CDK5RAP2: variants seen among roughly 807,000 people sequenced by gnomAD.
The protein encoded by CDK5RAP2 is CDK5 regulatory subunit-associated protein 2.
CDK5RAP2 carries 147 observed loss-of-function variants against 232.9 expected under a neutral mutation model. The observed-to-expected ratio is 0.63, with a 90% confidence interval of 0.55 to 0.72. The LOEUF (loss-of-function observed/expected upper bound fraction) is 0.72. Among genes scored for constraint, CDK5RAP2 ranks in the 30% least tolerant of loss-of-function variants. The pLI, the probability that CDK5RAP2 is intolerant of heterozygous loss-of-function variation, is 0.00. For synonymous variants in CDK5RAP2, 833 were observed against 833.7 expected, an observed-to-expected ratio of 1.00 and a Z score of 0.01; for missense variants, 2,195 against 2,231.5, an observed-to-expected ratio of 0.98 and a Z score of 0.33.
chr9:120,411,503 A>C, intron 28 of CDK5RAP2, 29 bp from the exon 29 acceptor site: 3 of 1,204,658 alleles, frequency 2.5e-6, no homozygotes, highest in Non-Finnish European at 3.7e-6. Flanking sequence ...AAACTGATTT[A>C]TAAACAGTCT....
intron 14 of CDK5RAP2, among the ~76,000 whole-genome samples, chr9:120,485,293 CTTT>C (rs111411839): frequency 3.8e-5 from 5 of 132,346 alleles, no homozygotes; most frequent in African/African-American, 5.7e-5. Flanking sequence ...CATTTAGATA[CTTT>C]TTTTTTTTTT....
chr9:120,552,878 T>C (rs561143980), intron 3 of CDK5RAP2, among the ~76,000 whole-genome samples: 17 of 151,930 alleles, frequency 1.1e-4, no homozygotes, highest in African/African-American at 4.1e-4. Context: ...TCATGACATC[T>C]GCAATTAACT....
chr9:120,471,625 G>A (rs1339993001), intron 16 of CDK5RAP2, 123 bp downstream of exon 16: 2 of 1,373,202 alleles, frequency 1.5e-6, no homozygotes, highest in Non-Finnish European at 2.1e-6. Flanking sequence ...CCACAAAAAG[G>A]ATCTCCAAAC....
chr9:120,544,224 T>A (rs147267429), intron 5 of CDK5RAP2, among the ~76,000 whole-genome samples: 2 of 152,158 alleles, frequency 1.3e-5, no homozygotes, highest in African/African-American at 4.8e-5. Flanking sequence ...TGAGCTGAGG[T>A]TTCCATGTGT....
intron 5 of CDK5RAP2, among the ~76,000 whole-genome samples, chr9:120,540,260 A>G (rs1029071769): frequency 1.3e-5 from 2 of 152,220 alleles, no homozygotes; most frequent in African/African-American, 4.8e-5. Flanking sequence ...AAATGACTGC[A>G]GGTTTCCAGA....
At chr9:120,555,384 C>T (rs558470799) in intron 3 of CDK5RAP2, among the ~76,000 whole-genome samples, 3 of 152,170 alleles carry the variant, frequency 2.0e-5, no homozygotes, top group South Asian at 2.1e-4. Flanking sequence ...GTGATCCGCC[C>T]GCCTTGGCCT....
At chr9:120,542,867 G>A (rs1318542298) in intron 5 of CDK5RAP2, among the ~76,000 whole-genome samples, 5 of 152,226 alleles carry the variant, frequency 3.3e-5, no homozygotes, top group Non-Finnish European at 5.9e-5. Context: ...TCCGTTAAGA[G>A]ACTGATGCGG....
intron 8 of CDK5RAP2, among the ~76,000 whole-genome samples, chr9:120,529,485 G>A (rs916729008): frequency 4.6e-5 from 7 of 152,188 alleles, no homozygotes; most frequent in Admixed American, 2.0e-4. Flanking sequence ...AGGAGACCAT[G>A]AGCTCTACCT....
At chr9:120,450,532 GT>G (rs987699868) in intron 21 of CDK5RAP2, among the ~76,000 whole-genome samples, 1 of 151,958 alleles carries the variant, frequency 6.6e-6, no homozygotes, top group African/African-American at 2.4e-5. Flanking sequence ...ATAAGGCTGT[GT>G]TTTTTTTAAA....
At chr9:120,546,481 A>C (rs753861808) in intron 4 of CDK5RAP2, among the ~76,000 whole-genome samples, 2 of 152,240 alleles carry the variant, frequency 1.3e-5, no homozygotes, top group Non-Finnish European at 2.9e-5. Flanking sequence ...ACAGCTGAAC[A>C]GTGGCAGACT....
chr9:120,403,221 C>A lies in CDK5RAP2; in HGVS notation c.5042-150G>T. 1.4e-6 allele frequency: 1 copy of A among 698,656 alleles called. No homozygotes were observed. Among genetic ancestry groups the A allele is most frequent in the South Asian group, 1.8e-5 (1 of 56,820 alleles). The allele number at this position is 698,656 out of a possible 1,614,324, so 43.3% of individuals were successfully genotyped here. ...AAGCCCAGAGGGGAAAAGAGGCACGCTCCTGGACCTCTGTATATTACCCCA... is the reference window on the plus strand; with the variant it reads ...AAGCCCAGAGGGGAAAAGAGGCACGATCCTGGACCTCTGTATATTACCCCA... On this transcript the variant is annotated intron_variant, in intron 33 of 37. Transcript: ENST00000349780. This position sits in a 1 kb window ranked among gnomAD's most constrained non-coding sequence, Gnocchi z 4.2.
chr9:120,434,425 A>C (rs2035458463), intron 25 of CDK5RAP2, among the ~76,000 whole-genome samples: 1 of 151,994 alleles, frequency 6.6e-6, no homozygotes, highest in Non-Finnish European at 1.5e-5. Context: ...TTTTACACTG[A>C]ATGAAAAGGA....
chr9:120,435,690 C>T (rs1247817324), intron 25 of CDK5RAP2, among the ~76,000 whole-genome samples: 2 of 152,206 alleles, frequency 1.3e-5, no homozygotes, highest in African/African-American at 2.4e-5. Flanking sequence ...TAAGGACGTA[C>T]TCCCAAAAAG....
intron 14 of CDK5RAP2, among the ~76,000 whole-genome samples, chr9:120,481,494 ATTGTT>A (rs2038303021): frequency 6.9e-6 from 1 of 144,032 alleles, no homozygotes; most frequent in Non-Finnish European, 1.5e-5. Context: ...GTATGTCAAT[ATTGTT>A]TTCTTTTTTT....
chr9:120,513,028 C>T (rs903692228), intron 12 of CDK5RAP2, among the ~76,000 whole-genome samples: 1 of 152,158 alleles, frequency 6.6e-6, no homozygotes, highest in Non-Finnish European at 1.5e-5. Flanking sequence ...CTTTATCCTA[C>T]CTGTGGGATG....
In CDK5RAP2 at chr9:120,437,175, T is replaced by C; in HGVS notation, c.3955+120A>G. On this transcript the variant is annotated intron_variant, in intron 25 of 37. Coordinates refer to ENST00000349780, the MANE Select transcript of CDK5RAP2 (RefSeq NM_018249.6). The stretch of plus-strand genomic sequence containing the variant: ...CAGCCAGTGTGGTTCTGCTGTCACC[T>C]CATCAAGGCAGAGGGGTGAAAGATA... 5 of 753,118 alleles carry C rather than the reference T, an allele frequency of 6.6e-6. No individual in the cohort carries two copies. In the South Asian group the frequency reaches 7.4e-5, roughly 11 times the overall value. The allele number at this position is 753,118 out of a possible 1,614,324, so 46.7% of individuals were successfully genotyped here.
intron 20 of CDK5RAP2, among the ~76,000 whole-genome samples, chr9:120,455,484 T>C (rs944658822): frequency 2.6e-5 from 4 of 151,696 alleles, no homozygotes; most frequent in African/African-American, 7.3e-5. Context: ...TTCATGCCTA[T>C]AATCCTAGCA....
intron 4 of CDK5RAP2, among the ~76,000 whole-genome samples, chr9:120,550,148 A>G (rs1371773508): frequency 2.6e-5 from 4 of 152,186 alleles, no homozygotes; most frequent in Non-Finnish European, 4.4e-5. Context: ...TTCAGAACCA[A>G]GGTTTGTTTT....
intron 15 of CDK5RAP2, among the ~76,000 whole-genome samples, chr9:120,473,963 G>GA (rs2037862247): frequency 6.6e-6 from 1 of 151,928 alleles, no homozygotes; most frequent in Non-Finnish European, 1.5e-5. Context: ...GCTTCACTCA[G>GA]AAAAAAACAA....
Sources: allele counts gnomAD v4.1 joint callset (sites outside exome capture counted in the v4.1 genomes callset), GRCh38; gene constraint gnomAD v4.1.1; non-coding constraint Gnocchi (gnomAD v3.1); transcripts MANE v1.5; gene names NCBI Gene and HGNC (gene_info 2026-07-23, HGNC 2026-07-21).